Variants in COL25A1 observed in about 807,000 individuals in gnomAD.
COL25A1 encodes collagen alpha-1(XXV) chain.
COL25A1 carries 103 observed loss-of-function variants against 128.4 expected under a neutral mutation model. The observed-to-expected ratio is 0.80, with a 90% confidence interval of 0.68 to 0.94. The LOEUF is 0.94. COL25A1 is among the 40% of genes least tolerant of loss of function. The pLI, the probability that COL25A1 is intolerant of heterozygous loss-of-function variation, is 0.00. For synonymous variants in COL25A1, 279 were observed against 277.2 expected (o/e 1.01, Z -0.06); for missense variants, 745 against 840.0 (o/e 0.89, Z 1.40).
At position 109,006,529 on chromosome 4, in the gene COL25A1, C is replaced by T. The variant is rs1271399560; in HGVS notation, c.438+3829G>A. ...TGTTGGGATTACAGGTGTGAGCCAC[C>T]GTGTTCAGTCTCTAATTTGGGTTTT... On this transcript the variant is annotated intron_variant, in intron 6 of 37. Coordinates refer to ENST00000399132, the MANE Select transcript of COL25A1 (RefSeq NM_198721.4). 4.0e-5 allele frequency among the ~76,000 whole-genome samples: 6 copies of T among 151,560 alleles called. No homozygotes were observed. The South Asian group carries it at 6.3e-4, about 16-fold the overall frequency.
intron 6 of COL25A1, among the ~76,000 whole-genome samples, chr4:108,982,200 C>A (rs1253644394): frequency 1.3e-5 from 2 of 152,126 alleles, no homozygotes; most frequent in East Asian, 1.9e-4. Flanking sequence ...TCTCAAAAAA[C>A]ACACACACAC....
intron 3 of COL25A1, among the ~76,000 whole-genome samples, chr4:109,217,310 T>C (rs1778067830): frequency 6.6e-6 from 1 of 152,170 alleles, no homozygotes; most frequent in South Asian, 2.1e-4. Flanking sequence ...GTTTTGACCA[T>C]ATTTTAAAGC....
At position 109,006,378 on chromosome 4, in the gene COL25A1, ATTTTTTTTTTTTTTTT is replaced by A. The variant is rs56845799; in HGVS notation, c.438+3964_438+3979del. ...AGGTGTGCACTGCCACACCCAGCTA[ATTTTTTTTTTTTTTTT>A]TTTTTTTTTTTTTTTTGGTATTTTT... is the stretch of plus-strand genomic sequence containing the variant. On this transcript the variant is annotated intron_variant, in intron 6 of 37. Transcript: ENST00000399132. Among the ~76,000 whole-genome samples, 42 of 51,878 alleles carry A rather than the reference ATTTTTTTTTTTTTTTT, an allele frequency of 8.1e-4. No individual in the cohort carries two copies. In the East Asian group the frequency reaches 0.014, roughly 17 times the overall value. 34.0% of individuals were successfully genotyped at this position (51,878 alleles called of 152,430 possible).
At chr4:109,207,445 C>G (rs1329120605) in intron 3 of COL25A1, among the ~76,000 whole-genome samples, 1 of 152,146 alleles carries the variant, frequency 6.6e-6, no homozygotes. Context: ...CACAGTTCTA[C>G]TCTCACTCCT....
intron 6 of COL25A1, among the ~76,000 whole-genome samples, chr4:108,999,050 CA>C (rs1297425602): frequency 2.6e-5 from 4 of 152,104 alleles, no homozygotes; most frequent in African/African-American, 9.7e-5. Flanking sequence ...AGGACATAGG[CA>C]TGGGCAAAAA....
chr4:109,294,972 T>A (rs910433689), intron 3 of COL25A1, among the ~76,000 whole-genome samples: 4 of 152,040 alleles, frequency 2.6e-5, no homozygotes, highest in Non-Finnish European at 5.9e-5. Flanking sequence ...ACTATTTTCA[T>A]TAACATCATG....
intron 8 of COL25A1, among the ~76,000 whole-genome samples, chr4:108,959,469 GA>G: frequency 6.6e-6 from 1 of 152,078 alleles, no homozygotes; most frequent in African/African-American, 2.4e-5. Flanking sequence ...CCAGTAATAG[GA>G]AAAAATAAAG....
At chr4:108,859,538 C>A (rs1736914609) in intron 24 of COL25A1, 118 bp downstream of exon 24, 1 of 666,644 alleles carries the variant, frequency 1.5e-6, no homozygotes, top group Non-Finnish European at 2.5e-6. Flanking sequence ...AGAAGGGGTG[C>A]CTTGAGCAGT....
chr4:108,928,322 T>C (rs912262819), intron 11 of COL25A1, among the ~76,000 whole-genome samples: 4 of 152,182 alleles, frequency 2.6e-5, no homozygotes, highest in Non-Finnish European at 5.9e-5. Context: ...TATATAGTCA[T>C]ATCCTATTCA....
intron 3 of COL25A1, among the ~76,000 whole-genome samples, chr4:109,127,456 T>C (rs1768730669): frequency 6.6e-6 from 1 of 152,140 alleles, no homozygotes; most frequent in East Asian, 1.9e-4. Flanking sequence ...TGGTTATTAG[T>C]TGGGTGTCCT....
At chr4:109,150,513 G>A (rs112180260) in intron 3 of COL25A1, among the ~76,000 whole-genome samples, 2 of 152,226 alleles carry the variant, frequency 1.3e-5, no homozygotes, top group East Asian at 1.9e-4. Context: ...ATGTGGTGCC[G>A]AGATGTGGTG....
intron 5 of COL25A1, among the ~76,000 whole-genome samples, chr4:109,024,321 A>C (rs116112410): frequency 0.015 from 2,289 of 152,206 alleles, 50 homozygotes; most frequent in African/African-American, 0.052. Flanking sequence ...TCTTTATAAC[A>C]CTAAAAATGC....
At chr4:108,942,220 G>A in intron 8 of COL25A1, 1 of 1,550,256 alleles carries the variant, frequency 6.5e-7, no homozygotes, top group Non-Finnish European at 8.7e-7. Context: ...TTGACGGTGA[G>A]GATCTGATTA....
intron 3 of COL25A1, among the ~76,000 whole-genome samples, chr4:109,267,819 A>AG (rs1175758427): frequency 1.3e-5 from 2 of 152,206 alleles, no homozygotes; most frequent in Non-Finnish European, 2.9e-5. Flanking sequence ...GAAATACTTC[A>AG]GGTCCCAAGC....
intron 8 of COL25A1, among the ~76,000 whole-genome samples, chr4:108,969,326 G>A (rs939930227): frequency 6.6e-6 from 1 of 152,162 alleles, no homozygotes; most frequent in Non-Finnish European, 1.5e-5. Flanking sequence ...TCTTGATTCA[G>A]ACTCTTTCCT....
chr4:109,285,288 T>C (rs1578638957), intron 3 of COL25A1, among the ~76,000 whole-genome samples: 1 of 152,196 alleles, frequency 6.6e-6, no homozygotes, highest in Non-Finnish European at 1.5e-5. Flanking sequence ...AAATGATCCA[T>C]GCTATATAAA....
chr4:109,199,472 G>A (rs1444636789), intron 3 of COL25A1, among the ~76,000 whole-genome samples: 1 of 151,844 alleles, frequency 6.6e-6, no homozygotes, highest in Non-Finnish European at 1.5e-5. Context: ...TCTGAAAACG[G>A]CACTGTAAAT....
intron 6 of COL25A1, among the ~76,000 whole-genome samples, chr4:108,983,479 C>A (rs1469596918): frequency 2.0e-5 from 3 of 152,200 alleles, no homozygotes; most frequent in African/African-American, 7.2e-5. Flanking sequence ...TTTACCCGGG[C>A]TACTTAAGAA....
At chr4:109,095,697 T>G (rs1225626994) in intron 3 of COL25A1, among the ~76,000 whole-genome samples, 1 of 152,182 alleles carries the variant, frequency 6.6e-6, no homozygotes, top group African/African-American at 2.4e-5. Context: ...AGAATTATTT[T>G]CAATAACATA....
Sources: gnomAD v4.1 joint callset for allele counts (sites outside exome capture counted in the v4.1 genomes callset) on GRCh38, gnomAD v4.1.1 for gene constraint, MANE v1.5 for transcripts, NCBI Gene and HGNC (gene_info 2026-07-23, HGNC 2026-07-21) for gene names.